Variants in PPTC7 observed in about 807,000 individuals in gnomAD.
The protein encoded by PPTC7 is protein phosphatase PTC7 homolog.
A neutral mutation model predicts 30.8 loss-of-function variants in PPTC7; 6 were observed. The ratio of observed to expected loss-of-function variants is 0.19; its 90% CI spans 0.11 to 0.38. The LOEUF (loss-of-function observed/expected upper bound fraction) is 0.38. Among genes scored for constraint, PPTC7 ranks in the 10% least tolerant of loss-of-function variants. PPTC7 has a pLI of 1.00. For synonymous variants in PPTC7, 163 were observed against 168.1 expected (o/e 0.97, Z 0.23); for missense variants, 218 against 404.8 (o/e 0.54, Z 3.96).
chr12:110,553,487 T>C (rs997561170), intron 1 of PPTC7, among the ~76,000 whole-genome samples: 2 of 151,964 alleles, frequency 1.3e-5, no homozygotes, highest in Admixed American at 6.6e-5. Flanking sequence ...CATACTGAAA[T>C]TGTATTTTGG....
At chr12:110,564,925 AGTGTGAT>A (rs2064470312) in intron 1 of PPTC7, among the ~76,000 whole-genome samples, 1 of 146,440 alleles carries the variant, frequency 6.8e-6, no homozygotes, top group African/African-American at 2.6e-5. Flanking sequence ...TCCAGGATGG[AGTGTGAT>A]GGCACAATCT....
rs2135803787 is a variant in PPTC7, at chr12:110,583,159, G to A, written c.-128C>T. 1 of 519,734 alleles carries A rather than the reference G, an allele frequency of 1.9e-6. No individual in the cohort carries two copies. The highest frequency in any genetic ancestry group is 2.7e-6 in the Non-Finnish European group (1 of 367,598). 32.2% of individuals were successfully genotyped at this position (519,734 alleles called of 1,614,324 possible). On this transcript the variant is annotated 5_prime_UTR_variant, in exon 1 of 6. Coordinates refer to ENST00000354300, the MANE Select transcript of PPTC7 (RefSeq NM_139283.2). ...GCGCTCCTCAGGGCGGCGCGCAGTG[G>A]CCGCCGCCGCCCCTGCCCGACGCGC...
intron 3 of PPTC7, among the ~76,000 whole-genome samples, chr12:110,541,048 A>T (rs1377205867): frequency 6.7e-6 from 1 of 149,914 alleles, no homozygotes; most frequent in Non-Finnish European, 1.5e-5. Context: ...GTGCTGGGAT[A>T]ACAGGCGTGA....
intron 1 of PPTC7, among the ~76,000 whole-genome samples, chr12:110,573,195 T>C (rs1243343009): frequency 6.6e-6 from 1 of 152,138 alleles, no homozygotes; most frequent in Admixed American, 6.6e-5. Context: ...GTCATCTTTA[T>C]ATCAAAGGCC....
chr12:110,566,592 T>C (rs1278524161), intron 1 of PPTC7, among the ~76,000 whole-genome samples: 3 of 152,088 alleles, frequency 2.0e-5, no homozygotes, highest in African/African-American at 7.2e-5. Context: ...TTCAGCAAGT[T>C]AGAGTTATGC....
intron 1 of PPTC7, among the ~76,000 whole-genome samples, chr12:110,552,725 G>A (rs1409094887): frequency 1.3e-5 from 2 of 152,114 alleles, no homozygotes; most frequent in South Asian, 2.1e-4. Flanking sequence ...TTAGCCAGGC[G>A]TGGTGGCAGG....
At chr12:110,548,439 G>A (rs568279270) in intron 2 of PPTC7, among the ~76,000 whole-genome samples, 2 of 152,164 alleles carry the variant, frequency 1.3e-5, no homozygotes, top group African/African-American at 4.8e-5. Context: ...TAGCCATTAA[G>A]TGTCAACGAA....
intron 4 of PPTC7, 97 bp from the exon 5 acceptor site, chr12:110,538,370 GA>G (rs2064233993): frequency 1.7e-6 from 2 of 1,203,330 alleles, no homozygotes; most frequent in East Asian, 2.4e-5. Context: ...ATTCTAGTTA[GA>G]AAAGACATTA....
chr12:110,574,141 TAAA>T (rs58133391), intron 1 of PPTC7, among the ~76,000 whole-genome samples: 28 of 37,448 alleles, frequency 7.5e-4, no homozygotes, highest in African/African-American at 2.5e-3. Context: ...CCACAATAAT[TAAA>T]AAAAAAAAAA....
At chr12:110,581,392 TGACAGAGGTA>T (rs928715837) in intron 1 of PPTC7, among the ~76,000 whole-genome samples, 3 of 151,498 alleles carry the variant, frequency 2.0e-5, no homozygotes, top group African/African-American at 7.3e-5. Flanking sequence ...CCAGCCTGAG[TGACAGAGGTA>T]GACTCCGTCT....
intron 1 of PPTC7, among the ~76,000 whole-genome samples, chr12:110,567,544 C>T (rs1306412306): frequency 6.6e-6 from 1 of 152,196 alleles, no homozygotes; most frequent in African/African-American, 2.4e-5. Flanking sequence ...TCAATTTCCA[C>T]TCCTCTTTCT....
intron 2 of PPTC7, among the ~76,000 whole-genome samples, chr12:110,547,310 C>T (rs1452293278): frequency 6.6e-6 from 1 of 152,180 alleles, no homozygotes; most frequent in African/African-American, 2.4e-5. Context: ...TGAATCCCAG[C>T]TCTGCCACTT....
In PPTC7 at chr12:110,569,036, C is replaced by T. The variant is rs905859798; in HGVS notation, c.223+13773G>A. Among the ~76,000 whole-genome samples, 10 of 143,238 alleles carry T rather than the reference C, an allele frequency of 7.0e-5. 1 individual carries two copies. The highest frequency in any genetic ancestry group is 3.9e-3 in the Middle Eastern group (1 of 256). The allele number at this position is 143,238 out of a possible 152,430, so 94.0% of individuals were successfully genotyped here. A position where few individuals can be genotyped will look rare whatever the true frequency, so the allele number is the denominator to read the frequency against. On this transcript the variant is annotated intron_variant, in intron 1 of 5. Coordinates refer to ENST00000354300, the MANE Select transcript of PPTC7 (RefSeq NM_139283.2). Reference sequence around the variant, plus strand: ...ACACAGCAAGACCCTGTCCCCGCCCCCCCCCCTCAAAAAAAGCCAGGTGCA... The same window carrying T: ...ACACAGCAAGACCCTGTCCCCGCCCTCCCCCCTCAAAAAAAGCCAGGTGCA...
In PPTC7 at chr12:110,568,803, G is replaced by GT. The variant is rs538210306; in HGVS notation, c.223+14005dup. Among the ~76,000 whole-genome samples the GT allele has an allele frequency of 1.2e-4, 18 of 152,268 alleles. No homozygotes were observed. The East Asian group carries it at 3.5e-3, about 29-fold the overall frequency. On this transcript the variant is annotated intron_variant, in intron 1 of 5. Transcript: ENST00000354300. Reference sequence around the variant, plus strand: ...GTAATGGATCCTAGCGTTTCACAAGGTGTCATTCCCTGGGTCAGAACTCGC... The same window carrying GT: ...GTAATGGATCCTAGCGTTTCACAAGGTTGTCATTCCCTGGGTCAGAACTCGC...
At chr12:110,580,888 A>G (rs2064631387) in intron 1 of PPTC7, among the ~76,000 whole-genome samples, 1 of 152,042 alleles carries the variant, frequency 6.6e-6, no homozygotes, top group Non-Finnish European at 1.5e-5. Flanking sequence ...AGTAGCTGGG[A>G]CTATAGGCAT....
chr12:110,560,941 G>A (rs540392534), intron 1 of PPTC7, among the ~76,000 whole-genome samples: 1 of 152,278 alleles, frequency 6.6e-6, no homozygotes, highest in African/African-American at 2.4e-5. Flanking sequence ...CTACTAGGAT[G>A]GGTACTTGAT....
rs147740171 is a variant in PPTC7 at position 110,535,752 on chromosome 12, T to C, written c.*1285A>G. On this transcript the variant is annotated 3_prime_UTR_variant, in exon 6 of 6. Transcript: ENST00000354300. ...AAAAAAACTGACCCAAAAATATATA[T>C]CTTTACAGCAGTCAACTTGTACACA... 6.5e-6 allele frequency: 1 copy of C among 152,748 alleles called. No homozygotes were observed. The highest frequency in any genetic ancestry group is 1.5e-5 in the Non-Finnish European group (1 of 68,032). 9.5% of individuals were successfully genotyped at this position (152,748 alleles called of 1,614,324 possible). A position where few individuals can be genotyped will look rare whatever the true frequency, so the allele number is the denominator to read the frequency against.
At position 110,550,646 on chromosome 12, in the gene PPTC7, A is replaced by G. The variant is rs554166962; in HGVS notation, c.403+1143T>C. On this transcript the variant is annotated intron_variant, in intron 2 of 5. Transcript: ENST00000354300. The stretch of plus-strand genomic sequence containing the variant: ...TACCCTCTCTGAGAGACTGCTTAGA[A>G]GGCTGGGTAAGTTCCCAGGAAATCA... 7.9e-5 allele frequency among the ~76,000 whole-genome samples: 12 copies of G among 152,274 alleles called. 1 individual carries two copies. The South Asian group carries it at 1.7e-3, about 21-fold the overall frequency.
At chr12:110,564,225 T>C (rs2064461525) in intron 1 of PPTC7, among the ~76,000 whole-genome samples, 1 of 152,160 alleles carries the variant, frequency 6.6e-6, no homozygotes, top group African/African-American at 2.4e-5. Context: ...AAACAAATCA[T>C]CTGGGAGGTC....
Sources: gnomAD v4.1 joint callset for allele counts (sites outside exome capture counted in the v4.1 genomes callset) on GRCh38, gnomAD v4.1.1 for gene constraint, MANE v1.5 for transcripts, NCBI Gene and HGNC (gene_info 2026-07-23, HGNC 2026-07-21) for gene names.